ARHGEF10: variants seen among roughly 807,000 people sequenced by gnomAD.
ARHGEF10 encodes the protein Rho guanine nucleotide exchange factor 10.
Under a neutral mutation model 147.4 loss-of-function variants are expected in ARHGEF10, and 140 were observed. The observed-to-expected ratio is 0.95, with a 90% confidence interval of 0.83 to 1.09. ARHGEF10 has a LOEUF of 1.09. ARHGEF10 is among the 50% of genes least tolerant of loss of function. The pLI, the probability that ARHGEF10 is intolerant of heterozygous loss-of-function variation, is 0.00. For missense variants in ARHGEF10, 2,222 were observed against 1,752.7 expected (o/e 1.27, Z -4.78); for synonymous variants, 902 against 695.8 (o/e 1.30, Z -4.67).
At chr8:1,953,103 A>G (rs1815187617) in intron 28 of ARHGEF10, among the ~76,000 whole-genome samples, 1 of 151,990 alleles carries the variant, frequency 6.6e-6, no homozygotes, top group South Asian at 2.1e-4. Flanking sequence ...TGTGTTTTAT[A>G]TTGTGGAGAA....
At chr8:1,840,225 G>A (rs1300819212) in intron 1 of ARHGEF10, among the ~76,000 whole-genome samples, 1 of 136,442 alleles carries the variant, frequency 7.3e-6, no homozygotes, top group Non-Finnish European at 1.6e-5. Flanking sequence ...GGACTGTCTG[G>A]TGTGGAAGCT....
At chr8:1,859,873 G>A (rs1805948279) in intron 3 of ARHGEF10, 24 bp from the exon 4 acceptor site, 1 of 1,613,702 alleles carries the variant, frequency 6.2e-7, no homozygotes, top group Non-Finnish European at 8.5e-7. Context: ...TGTGTCTGCT[G>A]ACAAGTCCTT....
chr8:1,945,757 C>T, intron 27 of ARHGEF10, 102 bp downstream of exon 27: 1 of 1,498,766 alleles, frequency 6.7e-7, no homozygotes. Flanking sequence ...CAGTGCAGGA[C>T]ACTGTTCACA....
At chr8:1,846,152 C>T (rs570103709) in intron 2 of ARHGEF10, among the ~76,000 whole-genome samples, 2 of 152,280 alleles carry the variant, frequency 1.3e-5, no homozygotes, top group South Asian at 2.1e-4. Flanking sequence ...GGCGGGAGCC[C>T]GGGAGCCGCG....
chr8:1,957,178 G>C lies in ARHGEF10; in HGVS notation c.3950G>C (p.Arg1317Pro), dbSNP rs956988873. 6.2e-7 allele frequency: 1 copy of C among 1,612,542 alleles called. No individual in the cohort carries two copies. ...LVVCGGQGHRRVHRKARQPHQ... is the reference protein window; with the variant it reads ...LVVCGGQGHRPVHRKARQPHQ... ...GTCTGTGGAGGGCAGGGCCACCGCCGGGTGCACAGGAAGGCCCGGCAGCCC... is the reference window on the plus strand; with the variant it reads ...GTCTGTGGAGGGCAGGGCCACCGCCCGGTGCACAGGAAGGCCCGGCAGCCC... The change falls in exon 29 of 29, where the codon CGG (arginine) becomes CCG (proline). Residue 1317 changes from arginine to proline, a missense_variant. Arg to Pro is a moderately radical substitution (Grantham distance 103, BLOSUM62 -2). Transcript: ENST00000349830.
At chr8:1,945,044 G>A (rs1005966413) in intron 26 of ARHGEF10, among the ~76,000 whole-genome samples, 1 of 152,232 alleles carries the variant, frequency 6.6e-6, no homozygotes, top group Non-Finnish European at 1.5e-5. Flanking sequence ...CAGGACAGCA[G>A]AGCTAAGAGG....
chr8:1,910,339 T>C (rs894958636), intron 18 of ARHGEF10, among the ~76,000 whole-genome samples: 1 of 152,232 alleles, frequency 6.6e-6, no homozygotes, highest in African/African-American at 2.4e-5. Context: ...GAACATGATG[T>C]AAGGAGTATT....
intron 5 of ARHGEF10, among the ~76,000 whole-genome samples, chr8:1,865,412 C>G (rs1806503006): frequency 6.6e-6 from 1 of 151,768 alleles, no homozygotes; most frequent in East Asian, 2.0e-4. Flanking sequence ...GTCACCAGGA[C>G]ATGGGGCATC....
intron 2 of ARHGEF10, among the ~76,000 whole-genome samples, chr8:1,851,145 C>A (rs1275799362): frequency 6.6e-6 from 1 of 151,840 alleles, no homozygotes; most frequent in Non-Finnish European, 1.5e-5. Flanking sequence ...AGGCACAGCA[C>A]CAGGAGCGAG....
At chr8:1,849,983 T>C (rs796632604) in intron 2 of ARHGEF10, among the ~76,000 whole-genome samples, 2 of 104,844 alleles carry the variant, frequency 1.9e-5, no homozygotes, top group African/African-American at 3.8e-5. Context: ...GCCGGCTGCA[T>C]GGACACAGAG....
chr8:1,880,239 C>A, intron 9 of ARHGEF10, 75 bp downstream of exon 9: 1 of 1,023,110 alleles, frequency 9.8e-7, no homozygotes, highest in Non-Finnish European at 1.5e-6. Flanking sequence ...CTCGGTCGGT[C>A]CTTGCTGTCT....
Position 1,926,416 on chromosome 8 carries a change from A to C in ARHGEF10, c.2650A>C (p.Asn884His), listed in dbSNP as rs747556611. The C allele has an allele frequency of 3.2e-5, 52 of 1,614,164 alleles. No homozygotes were observed. Among genetic ancestry groups the C allele is most frequent in the Non-Finnish European group, 4.4e-5 (52 of 1,180,016 alleles). Residue 884 changes from asparagine to histidine, a missense_variant, in exon 23 of 29, where the codon AAT becomes CAT. Physicochemically the swap from Asn to His is moderately conservative, Grantham distance 68. Transcript: ENST00000349830. ...TTATAACCCTGAACCTTACCTAAATAATGAAAGCCAGCCAGATTCATTTTC... is the reference window on the plus strand; with the variant it reads ...TTATAACCCTGAACCTTACCTAAATCATGAAAGCCAGCCAGATTCATTTTC... ...AAYNPEPYLN[N>H]ESQPDSFSTA...
chr8:1,935,301 T>C (rs1358770167), intron 26 of ARHGEF10, among the ~76,000 whole-genome samples: 1 of 152,030 alleles, frequency 6.6e-6, no homozygotes, highest in Non-Finnish European at 1.5e-5. Flanking sequence ...TTGCCCAGGG[T>C]CCACAGTCCC....
chr8:1,897,370 T>C (rs1810066697), intron 14 of ARHGEF10, among the ~76,000 whole-genome samples: 2 of 150,230 alleles, frequency 1.3e-5, no homozygotes, highest in Admixed American at 6.6e-5. Flanking sequence ...CTGTGAGCTC[T>C]GTCCTAAGGG....
At position 1,881,623 on chromosome 8, in the gene ARHGEF10, G is replaced by A. The variant is rs75902657; in HGVS notation, c.961-1012G>A. Among the ~76,000 whole-genome samples the A allele has an allele frequency of 4.5e-3, 690 of 152,278 alleles. 5 individuals carry two copies. Among genetic ancestry groups the A allele is most frequent in the African/African-American group, 0.015 (631 of 41,562 alleles). ...GGAGATGGGCTGGGGCAGGCGACGCGGGTGTGAGGCCGTGCGTGTTGTGTG... is the reference window on the plus strand; with the variant it reads ...GGAGATGGGCTGGGGCAGGCGACGCAGGTGTGAGGCCGTGCGTGTTGTGTG... On this transcript the variant is annotated intron_variant, in intron 9 of 28. Transcript: ENST00000349830.
chr8:1,909,551 G>C, intron 18 of ARHGEF10, 81 bp downstream of exon 18: 1 of 1,570,900 alleles, frequency 6.4e-7, no homozygotes. Context: ...GCCAGCGTAA[G>C]CTCCACCATC....
chr8:1,845,894 C>T (rs1804521803), intron 2 of ARHGEF10, among the ~76,000 whole-genome samples: 1 of 152,190 alleles, frequency 6.6e-6, no homozygotes. Flanking sequence ...TTCCCTGCAG[C>T]AGGACACTCC....
intron 1 of ARHGEF10, among the ~76,000 whole-genome samples, chr8:1,836,258 A>T (rs1468438758): frequency 6.6e-6 from 1 of 152,200 alleles, no homozygotes; most frequent in Non-Finnish European, 1.5e-5. Context: ...AAATTGGAAA[A>T]TGACAGCAAT....
At chr8:1,927,547 A>T (rs780214962) in intron 23 of ARHGEF10, 1 of 152,200 alleles carries the variant, frequency 6.6e-6, no homozygotes, top group Non-Finnish European at 1.5e-5. Flanking sequence ...TGGGAAACTA[A>T]CTGTGCTATG....
Sources: allele counts gnomAD v4.1 joint callset (sites outside exome capture counted in the v4.1 genomes callset), GRCh38; gene constraint gnomAD v4.1.1; transcripts MANE v1.5; gene names NCBI Gene and HGNC (gene_info 2026-07-23, HGNC 2026-07-21).